COL11A1: variants seen among roughly 807,000 people sequenced by gnomAD.
COL11A1 encodes the protein collagen type XI alpha 1 chain, also known as collagen alpha-1(XI) chain.
COL11A1 carries 74 observed loss-of-function variants against 265.2 expected under a neutral mutation model. That is an observed-to-expected ratio of 0.28 (90% CI 0.23 to 0.34). The LOEUF (loss-of-function observed/expected upper bound fraction) is 0.34. COL11A1 is among the 10% of genes least tolerant of loss of function. COL11A1 has a pLI of 1.00. For synonymous variants in COL11A1, 816 were observed against 727.6 expected, an observed-to-expected ratio of 1.12 and a Z score of -1.96; for missense variants, 2,165 against 2,263.6, an observed-to-expected ratio of 0.96 and a Z score of 0.88.
intron 54 of COL11A1, among the ~76,000 whole-genome samples, chr1:102,909,621 T>C (rs1246184788): frequency 6.6e-6 from 1 of 152,118 alleles, no homozygotes; most frequent in African/African-American, 2.4e-5. Context: ...AATTAACTCA[T>C]GTTTTAAAAT....
At chr1:103,077,882 T>A (rs1672100049) in intron 3 of COL11A1, among the ~76,000 whole-genome samples, 1 of 152,130 alleles carries the variant, frequency 6.6e-6, no homozygotes, top group Non-Finnish European at 1.5e-5. Flanking sequence ...TTAAACTCTC[T>A]GAGCCTCAGT....
At chr1:102,956,000 C>T (rs992845918) in intron 41 of COL11A1, among the ~76,000 whole-genome samples, 5 of 152,138 alleles carry the variant, frequency 3.3e-5, no homozygotes, top group Non-Finnish European at 5.9e-5. Flanking sequence ...TTTTCCTAGA[C>T]TTTAAAATCC....
intron 9 of COL11A1, among the ~76,000 whole-genome samples, chr1:103,021,365 C>G (rs1158786103): frequency 6.6e-6 from 1 of 151,936 alleles, no homozygotes; most frequent in African/African-American, 2.4e-5. Context: ...AGTAGGAAAG[C>G]TAAAAGTCCT....
chr1:102,944,320 C>T (rs1448019492), intron 42 of COL11A1, among the ~76,000 whole-genome samples: 1 of 152,118 alleles, frequency 6.6e-6, no homozygotes, highest in Non-Finnish European at 1.5e-5. Context: ...TAACTCCTTT[C>T]ACTGAACACT....
intron 54 of COL11A1, among the ~76,000 whole-genome samples, chr1:102,904,631 T>C (rs1324216430): frequency 6.6e-6 from 1 of 151,860 alleles, no homozygotes; most frequent in Non-Finnish European, 1.5e-5. Flanking sequence ...AAAATGCTCA[T>C]CATCACTGGC....
At chr1:103,032,289 G>T (rs1346001720) in intron 4 of COL11A1, among the ~76,000 whole-genome samples, 1 of 151,874 alleles carries the variant, frequency 6.6e-6, no homozygotes, top group South Asian at 2.1e-4. Flanking sequence ...TTTAGAACTT[G>T]ATAAAAATAT....
chr1:103,034,024 C>T (rs1418977216), intron 4 of COL11A1, among the ~76,000 whole-genome samples: 2 of 152,042 alleles, frequency 1.3e-5, no homozygotes, highest in African/African-American at 4.8e-5. Flanking sequence ...GAATATGTTA[C>T]CCTACTACTT....
At chr1:103,105,401 C>T (rs570628522) in intron 1 of COL11A1, among the ~76,000 whole-genome samples, 1 of 152,012 alleles carries the variant, frequency 6.6e-6, no homozygotes, top group East Asian at 1.9e-4. Context: ...ATAAATATTT[C>T]CAAGTTATAG....
At chr1:102,962,627 A>G (rs1442009712) in intron 39 of COL11A1, 26 bp downstream of exon 39, 1 of 1,611,522 alleles carries the variant, frequency 6.2e-7, no homozygotes, top group African/African-American at 1.3e-5. Flanking sequence ...TTTGGGCCAA[A>G]AAAAGTTTTC....
At chr1:103,063,975 G>C (rs1670873691) in intron 4 of COL11A1, among the ~76,000 whole-genome samples, 1 of 152,106 alleles carries the variant, frequency 6.6e-6, no homozygotes, top group Non-Finnish European at 1.5e-5. Flanking sequence ...TATGTCATTA[G>C]AGAATTGCAA....
rs1195843368 is a variant in COL11A1 at position 103,006,301 on chromosome 1, G to C, written c.1698C>G (p.Val566=). 1.4e-5 allele frequency: 22 copies of C among 1,609,298 alleles called. No individual in the cohort carries two copies. The highest frequency in any genetic ancestry group is 1.7e-5 in the Non-Finnish European group (20 of 1,177,712). The part of the protein sequence containing the change: ...GDPGPQGPRG[V]QGPPGPTGKP... ...TTCCCGTTGGACCAGGGGGACCCTG[G>C]ACGCCTCGAGGGCCCTATATCAAGA... The change falls in exon 16 of 67, where the codon GTC becomes GTG. Residue 566 remains valine, a synonymous_variant. Transcript: ENST00000370096.
intron 4 of COL11A1, among the ~76,000 whole-genome samples, chr1:103,067,576 C>T (rs558813792): frequency 6.6e-6 from 1 of 151,412 alleles, no homozygotes. Context: ...GCTAGAGAAA[C>T]AATTTTTCTT....
rs532909925 is a variant in COL11A1, at chr1:102,988,844, G to C, written c.2394+674C>G. ...TTTGTACGTGGCTTTTATCTTTAAC[G>C]TTTAAGAACTTGTATATGGATGTTA... On this transcript the variant is annotated intron_variant, in intron 29 of 66. Coordinates refer to ENST00000370096, the MANE Select transcript of COL11A1 (RefSeq NM_001854.4). Among the ~76,000 whole-genome samples the C allele has an allele frequency of 1.3e-3, 195 of 152,132 alleles. 1 individual carries two copies. Among genetic ancestry groups the C allele is most frequent in the Middle Eastern group, 0.01 (3 of 294 alleles).
chr1:103,005,338 A>C (rs920543961), intron 18 of COL11A1, among the ~76,000 whole-genome samples: 2 of 152,132 alleles, frequency 1.3e-5, no homozygotes, highest in African/African-American at 4.8e-5. Context: ...TACTGTTCAG[A>C]ATCATGGTTT....
At chr1:102,899,049 T>C in intron 54 of COL11A1, 55 bp from the exon 55 acceptor site, 2 of 1,039,232 alleles carry the variant, frequency 1.9e-6, no homozygotes, top group South Asian at 1.7e-5. Flanking sequence ...GTAATGTTAA[T>C]GAGCACTTGT....
At chr1:102,989,334 T>C (rs962990640) in intron 29 of COL11A1, among the ~76,000 whole-genome samples, 184 bp downstream of exon 29, 97 of 152,108 alleles carry the variant, frequency 6.4e-4, no homozygotes, top group African/African-American at 2.3e-3. Flanking sequence ...AGACAATTGA[T>C]ACTACACTAT....
intron 48 of COL11A1, among the ~76,000 whole-genome samples, chr1:102,920,902 A>G (rs1655917428): frequency 6.6e-6 from 1 of 152,202 alleles, no homozygotes; most frequent in South Asian, 2.1e-4. Context: ...GACATGAAGG[A>G]AACATAGACT....
At chr1:102,928,697 G>T (rs12125205) in intron 46 of COL11A1, among the ~76,000 whole-genome samples, 9,447 of 144,916 alleles carry the variant, frequency 0.065, 336 homozygotes, top group Non-Finnish European at 0.076. Flanking sequence ...TTGAACTAGT[G>T]TACAGTCCCA....
At chr1:103,101,408 A>AT (rs1159507037) in intron 1 of COL11A1, among the ~76,000 whole-genome samples, 7 of 152,080 alleles carry the variant, frequency 4.6e-5, no homozygotes, top group East Asian at 3.9e-4. Context: ...CAATATTTAC[A>AT]TTTTTTTCTT....
Sources: allele counts gnomAD v4.1 joint callset (sites outside exome capture counted in the v4.1 genomes callset), GRCh38; gene constraint gnomAD v4.1.1; transcripts MANE v1.5; gene names NCBI Gene and HGNC (gene_info 2026-07-23, HGNC 2026-07-21).